The following GRID2 variants were observed in gnomAD, a reference collection of about 807,000 sequenced individuals.
GRID2 encodes glutamate ionotropic receptor delta type subunit 2, also known as glutamate receptor ionotropic, delta-2.
In GRID2, 33 loss-of-function variants were observed where a neutral mutation model predicts 114.8. The observed-to-expected ratio is 0.29, with a 90% confidence interval of 0.22 to 0.38. The LOEUF (loss-of-function observed/expected upper bound fraction) is 0.38, where lower values mean the gene tolerates loss of function less well. Among genes scored for constraint, GRID2 ranks in the 10% least tolerant of loss-of-function variants. GRID2 has a pLI of 1.00. For synonymous variants in GRID2, 505 were observed against 449.9 expected (o/e 1.12, Z -1.55); for missense variants, 1,184 against 1,257.7 (o/e 0.94, Z 0.89).
At chr4:92,420,992 T>C (rs920929694) in intron 1 of GRID2, among the ~76,000 whole-genome samples, 1 of 152,072 alleles carries the variant, frequency 6.6e-6, no homozygotes, top group African/African-American at 2.4e-5. Context: ...GCCCTCACAC[T>C]GAAGTTTTTT....
chr4:92,555,320 A>G (rs74474817), intron 1 of GRID2, among the ~76,000 whole-genome samples: 4,304 of 152,292 alleles, frequency 0.028, 180 homozygotes, highest in African/African-American at 0.089. Flanking sequence ...TTTAGATCAT[A>G]TGAAACTGTG....
intron 14 of GRID2, among the ~76,000 whole-genome samples, chr4:93,688,673 A>G (rs1726285572): frequency 1.3e-5 from 2 of 152,072 alleles, no homozygotes; most frequent in Non-Finnish European, 2.9e-5. Context: ...ATTTGCATCT[A>G]TGGATGTCTA....
intron 2 of GRID2, among the ~76,000 whole-genome samples, chr4:92,609,886 GC>G (rs1729639607): frequency 6.6e-6 from 1 of 151,656 alleles, no homozygotes; most frequent in Non-Finnish European, 1.5e-5. Flanking sequence ...TGAAAAGAGA[GC>G]CAGTGTATCT....
At chr4:93,269,680 G>T (rs892490548) in intron 8 of GRID2, among the ~76,000 whole-genome samples, 2 of 152,200 alleles carry the variant, frequency 1.3e-5, no homozygotes, top group South Asian at 4.1e-4. Context: ...CTTTGGAAAA[G>T]TAATTGGGAG....
intron 4 of GRID2, among the ~76,000 whole-genome samples, chr4:93,174,017 G>T (rs1221296885): frequency 9.2e-5 from 14 of 152,132 alleles, no homozygotes; most frequent in Admixed American, 9.2e-4. Context: ...GAGTAATCAA[G>T]TATACCCTTC....
rs372222213 is a variant in GRID2 at position 92,392,072 on chromosome 4, T to C, written c.88+87328T>C. Among the ~76,000 whole-genome samples, 21 of 152,286 alleles carry C rather than the reference T, an allele frequency of 1.4e-4. 1 individual carries two copies. The East Asian group carries it at 2.5e-3, about 18-fold the overall frequency. Reference sequence around the variant, plus strand: ...TTTATGAAAACATACCACTGACAGCTTCCAATAGGAATCAGAAGATTTACA... The same window carrying C: ...TTTATGAAAACATACCACTGACAGCCTCCAATAGGAATCAGAAGATTTACA... On this transcript the variant is annotated intron_variant, in intron 1 of 15. Transcript: ENST00000282020.
At chr4:92,354,779 T>G (rs1464397541) in intron 1 of GRID2, among the ~76,000 whole-genome samples, 1 of 151,990 alleles carries the variant, frequency 6.6e-6, no homozygotes, top group African/African-American at 2.4e-5. Context: ...ACAGTTAGAA[T>G]TAGCAGATAC....
chr4:93,782,967 C>G (rs1490234455), intron 1 of GRID2, among the ~76,000 whole-genome samples: 2 of 151,990 alleles, frequency 1.3e-5, no homozygotes, highest in Non-Finnish European at 2.9e-5. Context: ...TAATTATGTA[C>G]ACCTGTTGCC....
chr4:93,175,180 G>A (rs1004757856), intron 4 of GRID2, among the ~76,000 whole-genome samples: 1 of 151,740 alleles, frequency 6.6e-6, no homozygotes, highest in Non-Finnish European at 1.5e-5. Flanking sequence ...GTTTTGTTTT[G>A]TTTTGTTTCA....
intron 2 of GRID2, among the ~76,000 whole-genome samples, chr4:92,658,336 A>G (rs1177121246): frequency 6.6e-6 from 1 of 151,800 alleles, no homozygotes; most frequent in Non-Finnish European, 1.5e-5. Context: ...TCATCTCATT[A>G]AAATGTGAAT....
intron 2 of GRID2, among the ~76,000 whole-genome samples, chr4:93,074,903 G>A (rs939276498): frequency 3.3e-5 from 5 of 152,030 alleles, no homozygotes; most frequent in African/African-American, 9.7e-5. Context: ...AAATATAAAC[G>A]TTACCAAAGC....
intron 1 of GRID2, among the ~76,000 whole-genome samples, chr4:92,439,043 C>T (rs1041858580): frequency 4.0e-5 from 6 of 151,596 alleles, no homozygotes; most frequent in Admixed American, 6.6e-5. Flanking sequence ...GGGCTGAGTC[C>T]GAAAAGAGAG....
chr4:93,741,194 T>TATATATATATATATAC (rs1283721911), intron 14 of GRID2, among the ~76,000 whole-genome samples: 1 of 30,112 alleles, frequency 3.3e-5, no homozygotes, highest in Non-Finnish European at 6.0e-5. Flanking sequence ...TATATATATA[T>TATATATATATATATAC]ATATATGTAT....
chr4:93,311,162 T>C (rs1755971199), intron 8 of GRID2, among the ~76,000 whole-genome samples: 1 of 152,062 alleles, frequency 6.6e-6, no homozygotes, highest in Non-Finnish European at 1.5e-5. Context: ...AATCAAGAGT[T>C]GGTGGGAAGA....
At chr4:93,502,947 C>T (rs904546663) in intron 12 of GRID2, among the ~76,000 whole-genome samples, 9 of 152,030 alleles carry the variant, frequency 5.9e-5, no homozygotes, top group African/African-American at 2.2e-4. Flanking sequence ...TCAAGATTTG[C>T]TGTTGTCTTG....
intron 2 of GRID2, among the ~76,000 whole-genome samples, chr4:92,820,828 ATAAT>A (rs1485531294): frequency 6.6e-6 from 1 of 152,116 alleles, no homozygotes; most frequent in Non-Finnish European, 1.5e-5. Context: ...TTATCATGTT[ATAAT>A]TAATAATCTT....
intron 14 of GRID2, among the ~76,000 whole-genome samples, chr4:93,719,314 C>T (rs1172853548): frequency 6.6e-6 from 1 of 151,762 alleles, no homozygotes; most frequent in Non-Finnish European, 1.5e-5. Context: ...GTAGATTAAG[C>T]AACTGCAAAT....
chr4:93,766,075 T>C (rs910777485), intron 14 of GRID2, among the ~76,000 whole-genome samples: 5 of 152,156 alleles, frequency 3.3e-5, no homozygotes, highest in Non-Finnish European at 7.3e-5. Flanking sequence ...TCAATAAATA[T>C]GCACCTGCTC....
intron 10 of GRID2, among the ~76,000 whole-genome samples, chr4:93,444,528 C>A (rs1721915257): frequency 6.6e-6 from 1 of 151,866 alleles, no homozygotes; most frequent in Non-Finnish European, 1.5e-5. Context: ...CCAAGAAACA[C>A]TTTTCAAATG....
Sources: allele counts gnomAD v4.1 joint callset (sites outside exome capture counted in the v4.1 genomes callset), GRCh38; gene constraint gnomAD v4.1.1; transcripts MANE v1.5; gene names NCBI Gene and HGNC (gene_info 2026-07-23, HGNC 2026-07-21).